The following SIPA1L1 variants were observed in gnomAD, a reference collection of about 807,000 sequenced individuals.
SIPA1L1 encodes signal induced proliferation associated 1 like 1.
SIPA1L1 carries 26 observed loss-of-function variants against 162.7 expected under a neutral mutation model. That is an observed-to-expected ratio of 0.16 (90% confidence interval 0.12 to 0.22). The LOEUF (loss-of-function observed/expected upper bound fraction) is 0.22, where lower values mean the gene tolerates loss of function less well. SIPA1L1 is among the 10% of genes least tolerant of loss of function. SIPA1L1 has a pLI of 1.00. For synonymous variants in SIPA1L1, 829 were observed against 837.4 expected (o/e 0.99, Z 0.17); for missense variants, 1,874 against 2,241.0 (o/e 0.84, Z 3.31).
chr14:71,503,939 G>T (rs924957564), intron 2 of SIPA1L1: 1 of 152,168 alleles, frequency 6.6e-6, no homozygotes, highest in African/African-American at 2.4e-5. Flanking sequence ...AAGTAGCTGG[G>T]ATTACAGGTG....
intron 2 of SIPA1L1, among the ~76,000 whole-genome samples, chr14:71,372,644 C>G (rs191449091): frequency 2.0e-5 from 3 of 152,166 alleles, no homozygotes; most frequent in African/African-American, 7.2e-5. Flanking sequence ...GTTTGTATTT[C>G]AGTGTAATCC....
intron 2 of SIPA1L1, among the ~76,000 whole-genome samples, chr14:71,395,875 A>G (rs1383518480): frequency 6.6e-6 from 1 of 152,176 alleles, no homozygotes; most frequent in Non-Finnish European, 1.5e-5. Context: ...GCTTTTTACA[A>G]CTTCAAGATT....
At chr14:71,499,968 C>T (rs2050076596) in intron 2 of SIPA1L1, among the ~76,000 whole-genome samples, 3 of 152,096 alleles carry the variant, frequency 2.0e-5, no homozygotes, top group Non-Finnish European at 2.9e-5. Flanking sequence ...TTTTATTGAG[C>T]AATTATGCCA....
intron 4 of SIPA1L1, among the ~76,000 whole-genome samples, chr14:71,540,418 T>C (rs1227610950): frequency 6.6e-6 from 1 of 152,224 alleles, no homozygotes; most frequent in Non-Finnish European, 1.5e-5. Context: ...TGGTGGCTCA[T>C]GTCTGTAATC....
At chr14:71,723,027 C>T (rs1163035727) in intron 17 of SIPA1L1, among the ~76,000 whole-genome samples, 3 of 152,238 alleles carry the variant, frequency 2.0e-5, no homozygotes, top group African/African-American at 4.8e-5. Flanking sequence ...TAAGCCACCC[C>T]GCCCAGCCCT....
chr14:71,504,845 T>C (rs962212815), intron 2 of SIPA1L1, among the ~76,000 whole-genome samples: 1 of 152,226 alleles, frequency 6.6e-6, no homozygotes, highest in Non-Finnish European at 1.5e-5. Flanking sequence ...AATCATTCAT[T>C]TGAACTCTGG....
chr14:71,385,505 A>G (rs768845104), intron 2 of SIPA1L1, among the ~76,000 whole-genome samples: 2 of 152,200 alleles, frequency 1.3e-5, no homozygotes, highest in African/African-American at 2.4e-5. Flanking sequence ...GCTCTATCCA[A>G]TAGATGTATG....
chr14:71,459,458 C>CAGAG (rs142623080), intron 2 of SIPA1L1, among the ~76,000 whole-genome samples: 181 of 148,196 alleles, frequency 1.2e-3, no homozygotes, highest in Non-Finnish European at 4.6e-4. Flanking sequence ...TCTATCCATC[C>CAGAG]AGAGAGAGAG....
chr14:71,553,580 A>G (rs2056070778), intron 4 of SIPA1L1, among the ~76,000 whole-genome samples: 1 of 152,202 alleles, frequency 6.6e-6, no homozygotes, highest in Admixed American at 6.5e-5. Flanking sequence ...ATTTTTTCTT[A>G]GGAAATGCTA....
chr14:71,642,802 A>T (rs1406038185), intron 7 of SIPA1L1, among the ~76,000 whole-genome samples: 1 of 152,204 alleles, frequency 6.6e-6, no homozygotes, highest in Non-Finnish European at 1.5e-5. Flanking sequence ...AGGAGGAAAG[A>T]TTGAACATTA....
intron 13 of SIPA1L1, among the ~76,000 whole-genome samples, chr14:71,696,063 T>C (rs1339002465): frequency 6.6e-6 from 1 of 152,198 alleles, no homozygotes. Flanking sequence ...TCTTCTCTTA[T>C]TAAAACACAT....
At chr14:71,614,404 C>T (rs1158660854) in intron 5 of SIPA1L1, among the ~76,000 whole-genome samples, 6 of 151,834 alleles carry the variant, frequency 4.0e-5, no homozygotes, top group African/African-American at 1.5e-4. Flanking sequence ...GACAGTGGAC[C>T]AAAACAGAGC....
intron 2 of SIPA1L1, among the ~76,000 whole-genome samples, chr14:71,327,625 G>T (rs1011058221): frequency 6.6e-6 from 1 of 152,104 alleles, no homozygotes; most frequent in African/African-American, 2.4e-5. Context: ...AATAAAAATG[G>T]AGTCAGTTTT....
At chr14:71,469,776 A>G (rs562978076) in intron 2 of SIPA1L1, among the ~76,000 whole-genome samples, 10 of 152,306 alleles carry the variant, frequency 6.6e-5, no homozygotes, top group South Asian at 2.1e-4. Context: ...GTTTGTGGAA[A>G]AACTATTTTG....
chr14:71,518,600 A>G (rs565804909), intron 3 of SIPA1L1, among the ~76,000 whole-genome samples: 1 of 151,776 alleles, frequency 6.6e-6, no homozygotes, highest in African/African-American at 2.4e-5. Context: ...CTTTTTCTTT[A>G]CTTTTTGTTA....
intron 7 of SIPA1L1, among the ~76,000 whole-genome samples, chr14:71,625,628 A>T (rs2039901095): frequency 1.3e-5 from 2 of 152,254 alleles, no homozygotes; most frequent in Admixed American, 1.3e-4. Flanking sequence ...ACTGACATAT[A>T]AACGTAACTA....
At chr14:71,359,122 T>C (rs1253202089) in intron 2 of SIPA1L1, among the ~76,000 whole-genome samples, 3 of 152,186 alleles carry the variant, frequency 2.0e-5, no homozygotes. Context: ...CCACATATTG[T>C]GGGAGGGACC....
chr14:71,675,795 C>G (rs997285665), intron 12 of SIPA1L1, among the ~76,000 whole-genome samples: 15 of 152,156 alleles, frequency 9.9e-5, no homozygotes, highest in Middle Eastern at 3.4e-3. Context: ...TTCTTAGGGT[C>G]GCCAGGACCC....
At chr14:71,467,981 A>G (rs559839826) in intron 2 of SIPA1L1, among the ~76,000 whole-genome samples, 40 of 151,874 alleles carry the variant, frequency 2.6e-4, no homozygotes, top group Non-Finnish European at 3.4e-4. Flanking sequence ...GAGTAAAACC[A>G]TAAAGGGGAA....
Sources: allele counts gnomAD v4.1 joint callset (sites outside exome capture counted in the v4.1 genomes callset), GRCh38; gene constraint gnomAD v4.1.1; transcripts MANE v1.5; gene names NCBI Gene and HGNC (gene_info 2026-07-23, HGNC 2026-07-21).